Variants in ZC2HC1B observed in about 807,000 individuals in gnomAD.
The protein encoded by ZC2HC1B is zinc finger C2HC-type containing 1B, also known as zinc finger C2HC domain-containing protein 1B.
ZC2HC1B carries 36 observed loss-of-function variants against 31.0 expected under a neutral mutation model. The ratio of observed to expected loss-of-function variants is 1.16; its 90% CI spans 0.89 to 1.54. The LOEUF (loss-of-function observed/expected upper bound fraction) is 1.54. ZC2HC1B is among the 40% of genes most tolerant of loss of function. ZC2HC1B has a pLI of 0.00. For synonymous variants in ZC2HC1B, 73 were observed against 88.0 expected (o/e 0.83, Z 0.95); for missense variants, 260 against 268.6 (o/e 0.97, Z 0.22).
At chr6:143,879,018 G>A (rs115291819) in intron 1 of ZC2HC1B, among the ~76,000 whole-genome samples, 2,082 of 152,228 alleles carry the variant, frequency 0.014, 59 homozygotes, top group African/African-American at 0.048. Context: ...TGTGGGGCAG[G>A]GGTTGGGGGC....
At position 143,886,854 on chromosome 6, in the gene ZC2HC1B, A is replaced by G; in HGVS notation, c.349+33A>G. ...GACATTTTGGGTTGCTTTTGAGGCT[A>G]TGCTTGACTTTTGACCAAATCATCA... On this transcript the variant is annotated intron_variant, in intron 4 of 7. Transcript: ENST00000237275. This position sits in a 1 kb window ranked among gnomAD's most constrained non-coding sequence, Gnocchi z 4.2. The G allele has an allele frequency of 6.8e-7, 1 of 1,467,508 alleles. No homozygotes were observed. Among genetic ancestry groups the G allele is most frequent in the Non-Finnish European group, 9.0e-7 (1 of 1,108,356 alleles). 90.9% of individuals were successfully genotyped at this position (1,467,508 alleles called of 1,614,324 possible).
chr6:143,875,873 C>A (rs1057450308), intron 1 of ZC2HC1B, among the ~76,000 whole-genome samples: 2 of 150,510 alleles, frequency 1.3e-5, no homozygotes, highest in Admixed American at 6.6e-5. Context: ...CAGCACGGGT[C>A]GGAGAAGGGA....
In ZC2HC1B at chr6:143,865,347, A is replaced by G. The variant is rs1777244710; in HGVS notation, c.28+780A>G. ...AACTGGCAATACTATCGTGGTAAGT[A>G]CCACTTGTAATTAGAATCTTGGTAC... On this transcript the variant is annotated intron_variant, in intron 1 of 7. Transcript: ENST00000237275. The surrounding 1 kb of genome is among the most constrained non-coding windows in gnomAD (Gnocchi z 4.4). Among the ~76,000 whole-genome samples, 1 of 152,304 alleles carries G rather than the reference A, an allele frequency of 6.6e-6. No homozygotes were observed. Among genetic ancestry groups the G allele is most frequent in the African/African-American group, 2.4e-5 (1 of 41,564 alleles).
intron 1 of ZC2HC1B, among the ~76,000 whole-genome samples, chr6:143,873,855 G>C (rs1375072737): frequency 6.6e-6 from 1 of 152,210 alleles, no homozygotes; most frequent in Admixed American, 6.5e-5. Context: ...CTGCTGTGAA[G>C]GTCTCTGAAA....
chr6:143,877,957 A>G (rs1036262445), intron 1 of ZC2HC1B, among the ~76,000 whole-genome samples: 2 of 150,906 alleles, frequency 1.3e-5, no homozygotes, highest in Non-Finnish European at 3.0e-5. Context: ...CAGTATCACT[A>G]TTCATGAAAT....
rs1777883908 is a variant in ZC2HC1B at position 143,913,431 on chromosome 6, C to T, written c.598+10279C>T. Among the ~76,000 whole-genome samples the T allele has an allele frequency of 6.6e-6, 1 of 152,230 alleles. No individual in the cohort carries two copies. Among genetic ancestry groups the T allele is most frequent in the Admixed American group, 6.5e-5 (1 of 15,284 alleles). ...GTCTCAGGCAGGCTCCGCCCTGTTGCTGATGGCTTACTGGAATTCCAAGAC... is the reference window on the plus strand; with the variant it reads ...GTCTCAGGCAGGCTCCGCCCTGTTGTTGATGGCTTACTGGAATTCCAAGAC... On this transcript the variant is annotated intron_variant, in intron 6 of 7. Transcript: ENST00000237275. This position sits in a 1 kb window ranked among gnomAD's most constrained non-coding sequence, Gnocchi z 5.7.
chr6:143,928,643 GA>G (rs1778079807), intron 6 of ZC2HC1B, among the ~76,000 whole-genome samples: 1 of 151,796 alleles, frequency 6.6e-6, no homozygotes, highest in African/African-American at 2.4e-5. Flanking sequence ...ATTTTGATAG[GA>G]ATTCTGTTAA....
intron 1 of ZC2HC1B, among the ~76,000 whole-genome samples, chr6:143,867,887 T>G (rs1023566435): frequency 6.6e-6 from 1 of 152,228 alleles, no homozygotes; most frequent in Non-Finnish European, 1.5e-5. Context: ...TGCCTTTTCC[T>G]ATATCTCATT....
chr6:143,877,292 T>TTTTTTTTTTTTTTTG (rs1777419600), intron 1 of ZC2HC1B, among the ~76,000 whole-genome samples: 1 of 129,462 alleles, frequency 7.7e-6, no homozygotes, highest in Non-Finnish European at 1.7e-5. Context: ...TTTTTTTTTT[T>TTTTTTTTTTTTTTTG]TTTTTTTGAG....
intron 4 of ZC2HC1B, among the ~76,000 whole-genome samples, chr6:143,896,367 G>A (rs1484424736): frequency 6.6e-6 from 1 of 152,164 alleles, no homozygotes. Flanking sequence ...TGTGAGTAGG[G>A]TTTATGGTTG....
intron 1 of ZC2HC1B, chr6:143,881,860 A>C (rs1351135553): frequency 6.6e-6 from 1 of 152,170 alleles, no homozygotes; most frequent in African/African-American, 2.4e-5. Flanking sequence ...TCTGTATCCA[A>C]GTATTGAATT....
chr6:143,932,238 T>C (rs1778129295), intron 6 of ZC2HC1B, among the ~76,000 whole-genome samples: 1 of 152,188 alleles, frequency 6.6e-6, no homozygotes, highest in Non-Finnish European at 1.5e-5. Context: ...TCCTCAATTA[T>C]CATCACAAAT....
In ZC2HC1B at chr6:143,885,896, C is replaced by T; in HGVS notation, c.91-136C>T. 2.1e-6 allele frequency: 2 copies of T among 971,354 alleles called. No individual in the cohort carries two copies. Among genetic ancestry groups the T allele is most frequent in the East Asian group, 3.1e-5 (1 of 32,528 alleles). The allele number at this position is 971,354 out of a possible 1,614,324, so 60.2% of individuals were successfully genotyped here. On this transcript the variant is annotated intron_variant, in intron 2 of 7. Coordinates refer to ENST00000237275, the MANE Select transcript of ZC2HC1B (RefSeq NM_001013623.3). The surrounding 1 kb of genome is among the most constrained non-coding windows in gnomAD (Gnocchi z 4.2). ...AGAAGAGCCAGATGGATTTGCTCTG[C>T]TGTGACCTGTTAGAGAATGAACTAG...
intron 1 of ZC2HC1B, among the ~76,000 whole-genome samples, chr6:143,867,106 A>G (rs1777273687): frequency 6.6e-6 from 1 of 152,216 alleles, no homozygotes; most frequent in Non-Finnish European, 1.5e-5. Context: ...GTGTAAGGTG[A>G]CATACGAAAT....
intron 6 of ZC2HC1B, among the ~76,000 whole-genome samples, chr6:143,919,737 T>C (rs995320495): frequency 6.6e-6 from 1 of 152,202 alleles, no homozygotes; most frequent in African/African-American, 2.4e-5. Context: ...GTGGAGGATG[T>C]GTAGCTGTGC....
chr6:143,900,388 C>T (rs1161567507), intron 5 of ZC2HC1B, among the ~76,000 whole-genome samples: 2 of 123,818 alleles, frequency 1.6e-5, no homozygotes, highest in African/African-American at 5.9e-5. Flanking sequence ...AAAACTCCGT[C>T]TCAAAAAAAA....
Position 143,886,756 on chromosome 6 carries a change from A to G in ZC2HC1B, c.284A>G (p.Gln95Arg), listed in dbSNP as rs1253162152. The G allele has an allele frequency of 4.5e-6, 7 of 1,550,048 alleles. No homozygotes were observed. The South Asian group carries it at 7.2e-5, about 16-fold the overall frequency. ...DFINAIRSAK[Q>R]CMLAIKEGRP... ...ATTAATGCAATCCGATCAGCAAAGC[A>G]GTGTATGCTAGCCATTAAAGAAGGC... Residue 95 changes from glutamine to arginine, a missense_variant, in exon 4 of 8, where the codon CAG becomes CGG. Physicochemically the swap from Gln to Arg is conservative, Grantham distance 43 (BLOSUM62 1). Transcript: ENST00000237275. The surrounding 1 kb of genome is among the most constrained non-coding windows in gnomAD (Gnocchi z 4.2).
chr6:143,906,603 C>G (rs1403897993), intron 6 of ZC2HC1B, among the ~76,000 whole-genome samples: 1 of 152,054 alleles, frequency 6.6e-6, no homozygotes, highest in Non-Finnish European at 1.5e-5. Flanking sequence ...ACCACCACAC[C>G]TGGCTAATTT....
chr6:143,903,008 G>A lies in ZC2HC1B; in HGVS notation c.490-36G>A, dbSNP rs1271634979. The A allele has an allele frequency of 1.3e-6, 2 of 1,542,456 alleles. No individual in the cohort carries two copies. The highest frequency in any genetic ancestry group is 2.0e-5 in the Admixed American group (1 of 50,950). The stretch of plus-strand genomic sequence containing the variant: ...GTGGCACCTGAGGTTACATACAGAA[G>A]GTGTTCTCTTTGTCTCTTTCTTTCT... On this transcript the variant is annotated intron_variant, in intron 5 of 7. Coordinates refer to ENST00000237275, the MANE Select transcript of ZC2HC1B (RefSeq NM_001013623.3). The surrounding 1 kb of genome is among the most constrained non-coding windows in gnomAD (Gnocchi z 4.3).
Sources: gnomAD v4.1 joint callset for allele counts (sites outside exome capture counted in the v4.1 genomes callset) on GRCh38, gnomAD v4.1.1 for gene constraint, Gnocchi (gnomAD v3.1) non-coding constraint, MANE v1.5 for transcripts, NCBI Gene and HGNC (gene_info 2026-07-23, HGNC 2026-07-21) for gene names.